Variants in HECW1 observed in about 807,000 individuals in gnomAD.
HECW1 encodes HECT, C2 and WW domain containing E3 ubiquitin protein ligase 1, also known as E3 ubiquitin-protein ligase HECW1.
In HECW1, 61 loss-of-function variants were observed where a neutral mutation model predicts 182.3. The ratio of observed to expected loss-of-function variants is 0.33; its 90% CI spans 0.27 to 0.41. The LOEUF (loss-of-function observed/expected upper bound fraction) is 0.41. HECW1 is among the 10% of genes least tolerant of loss of function. The pLI, the probability that HECW1 is intolerant of heterozygous loss-of-function variation, is 1.00. For missense variants in HECW1, 1,739 were observed against 2,108.9 expected (o/e 0.82, Z 3.44); for synonymous variants, 859 against 832.6 (o/e 1.03, Z -0.55).
At chr7:43,184,568 C>A (rs1793192132) in intron 2 of HECW1, among the ~76,000 whole-genome samples, 2 of 152,122 alleles carry the variant, frequency 1.3e-5, no homozygotes, top group Admixed American at 6.5e-5. Context: ...AGGATAGGGG[C>A]TGGTCATAAG....
intron 5 of HECW1, among the ~76,000 whole-genome samples, chr7:43,329,667 C>A (rs1811218395): frequency 6.6e-6 from 1 of 152,112 alleles, no homozygotes. Context: ...CAAGTTCAGG[C>A]TGAAGTGTCT....
rs557235926 is a variant in HECW1 at position 43,458,472 on chromosome 7, C to T, written c.2651+2025C>T. On this transcript the variant is annotated intron_variant, in intron 13 of 29. Coordinates refer to ENST00000395891, the MANE Select transcript of HECW1 (RefSeq NM_015052.5). ...AGCCTTTGATATACAAACTCCTGTG[C>T]CCTCCAGTGGAGATGAACATGCTGG... is the stretch of plus-strand genomic sequence containing the variant. 1.1e-4 allele frequency among the ~76,000 whole-genome samples: 17 copies of T among 152,278 alleles called. No individual in the cohort carries two copies. In the South Asian group the frequency reaches 3.5e-3, roughly 32 times the overall value.
chr7:43,513,960 CAGCAGGGCAA>C (rs576884886), intron 24 of HECW1, among the ~76,000 whole-genome samples: 1 of 152,302 alleles, frequency 6.6e-6, no homozygotes, highest in South Asian at 2.1e-4. Flanking sequence ...GACCTGGCCA[CAGCAGGGCAA>C]AGCAGGGAAA....
intron 12 of HECW1, among the ~76,000 whole-genome samples, chr7:43,455,431 A>G (rs2077368841): frequency 1.3e-5 from 2 of 152,322 alleles, no homozygotes; most frequent in South Asian, 2.1e-4. Flanking sequence ...CGCACATCCA[A>G]GATTTTAGAA....
intron 11 of HECW1, 67 bp from the exon 12 acceptor site, chr7:43,450,761 C>A: frequency 2.0e-6 from 2 of 999,314 alleles, no homozygotes; most frequent in Non-Finnish European, 3.2e-6. Flanking sequence ...GTTTTACAGT[C>A]ATGCTTTTTT....
intron 5 of HECW1, among the ~76,000 whole-genome samples, chr7:43,335,757 CTTTCTTTCTTT>C (rs1812052201): frequency 7.1e-6 from 1 of 140,996 alleles, no homozygotes; most frequent in African/African-American, 2.7e-5. Context: ...TCCTCTCTTT[CTTTCTTTCTTT>C]TTTCTTTCTT....
chr7:43,503,778 T>C (rs936000993), intron 21 of HECW1, among the ~76,000 whole-genome samples: 2 of 152,210 alleles, frequency 1.3e-5, no homozygotes, highest in Non-Finnish European at 2.9e-5. Context: ...GCAGAAATTA[T>C]TTGAAAAATG....
At chr7:43,492,966 G>A in intron 18 of HECW1, 118 bp from the exon 19 acceptor site, 2 of 602,990 alleles carry the variant, frequency 3.3e-6, no homozygotes, top group Non-Finnish European at 2.9e-6. Context: ...TGATGAGTAT[G>A]CTGCCTGCCC....
At chr7:43,363,158 T>C (rs768587095) in intron 6 of HECW1, among the ~76,000 whole-genome samples, 3 of 152,202 alleles carry the variant, frequency 2.0e-5, no homozygotes, top group Non-Finnish European at 4.4e-5. Context: ...GGCTTAAAAT[T>C]AAGCAAGAGG....
chr7:43,192,951 GC>G (rs1794069621), intron 2 of HECW1, among the ~76,000 whole-genome samples: 1 of 152,222 alleles, frequency 6.6e-6, no homozygotes, highest in African/African-American at 2.4e-5. Context: ...AGGCAGAGCA[GC>G]CCCAAGGGCT....
intron 2 of HECW1, among the ~76,000 whole-genome samples, chr7:43,157,894 T>G (rs1488574877): frequency 1.3e-5 from 2 of 152,188 alleles, no homozygotes; most frequent in Non-Finnish European, 2.9e-5. Context: ...TTTCCTCACA[T>G]CCACAGAAAT....
At chr7:43,224,371 G>A (rs1414735355) in intron 2 of HECW1, among the ~76,000 whole-genome samples, 1 of 152,162 alleles carries the variant, frequency 6.6e-6, no homozygotes, top group Admixed American at 6.5e-5. Context: ...AAAATGATCC[G>A]TGTACTTGTA....
At chr7:43,219,626 C>T (rs1273485364) in intron 2 of HECW1, among the ~76,000 whole-genome samples, 2 of 151,720 alleles carry the variant, frequency 1.3e-5, no homozygotes, top group Non-Finnish European at 2.9e-5. Flanking sequence ...GCTGCATGCA[C>T]CAATAATTAG....
chr7:43,167,885 T>C (rs753562187), intron 2 of HECW1, among the ~76,000 whole-genome samples: 2 of 152,046 alleles, frequency 1.3e-5, no homozygotes, highest in African/African-American at 2.4e-5. Context: ...CTTGGAGAGG[T>C]TAGGTGGCTT....
At chr7:43,329,800 C>G (rs1811239677) in intron 5 of HECW1, among the ~76,000 whole-genome samples, 1 of 152,060 alleles carries the variant, frequency 6.6e-6, no homozygotes, top group Admixed American at 6.6e-5. Context: ...GTGTGAAGGA[C>G]TTTGTGTAGG....
At chr7:43,536,735 C>T (rs1299970585) in intron 24 of HECW1, among the ~76,000 whole-genome samples, 1 of 152,122 alleles carries the variant, frequency 6.6e-6, no homozygotes, top group Non-Finnish European at 1.5e-5. Context: ...GTAGCTGTTC[C>T]CTCCACCCAC....
chr7:43,187,019 G>A (rs1343055247), intron 2 of HECW1, among the ~76,000 whole-genome samples: 1 of 152,186 alleles, frequency 6.6e-6, no homozygotes, highest in African/African-American at 2.4e-5. Flanking sequence ...TGGCTTATCT[G>A]GAAGGCTCTG....
chr7:43,400,195 AACTGT>A (rs1408799752), intron 7 of HECW1, among the ~76,000 whole-genome samples: 2 of 152,194 alleles, frequency 1.3e-5, no homozygotes, highest in Non-Finnish European at 2.9e-5. Flanking sequence ...CTAACTGTGC[AACTGT>A]ACTCCAGGCT....
rs553325926 is a variant in HECW1, at chr7:43,339,072, C to T, written c.460+18330C>T. Among the ~76,000 whole-genome samples the T allele has an allele frequency of 3.9e-5, 6 of 152,262 alleles. No homozygotes were observed. In the South Asian group the frequency reaches 1.2e-3, roughly 32 times the overall value. Reference sequence around the variant, plus strand: ...TCCTTTGAAGGTAACTATCTTCCCCCATCTTATGCTTCTAAGACTTTTATC... The same window carrying T: ...TCCTTTGAAGGTAACTATCTTCCCCTATCTTATGCTTCTAAGACTTTTATC... On this transcript the variant is annotated intron_variant, in intron 5 of 29. Transcript: ENST00000395891.
Sources: allele counts gnomAD v4.1 joint callset (sites outside exome capture counted in the v4.1 genomes callset), GRCh38; gene constraint gnomAD v4.1.1; transcripts MANE v1.5; gene names NCBI Gene and HGNC (gene_info 2026-07-23, HGNC 2026-07-21).